The following TRAF7 variants were observed in gnomAD, a reference collection of about 807,000 sequenced individuals.
TRAF7 encodes E3 ubiquitin-protein ligase TRAF7.
Under a neutral mutation model 89.3 loss-of-function variants are expected in TRAF7, and 45 were observed. That is an observed-to-expected ratio of 0.50 (90% CI 0.40 to 0.65). The LOEUF is 0.65. Ranked by LOEUF, TRAF7 falls within the 30% of genes least tolerant of loss-of-function variation. The pLI, the probability that TRAF7 is intolerant of heterozygous loss-of-function variation, is 0.00. For missense variants in TRAF7, 677 were observed against 918.1 expected (o/e 0.74, Z 3.39); for synonymous variants, 406 against 369.2 (o/e 1.10, Z -1.14).
At chr16:2,160,408 A>AGGTG (rs2093052836) in intron 1 of TRAF7, among the ~76,000 whole-genome samples, 5 of 148,982 alleles carry the variant, frequency 3.4e-5, no homozygotes, top group African/African-American at 7.4e-5. Context: ...CAGCATGGGC[A>AGGTG]GTGTGGACGG....
intron 3 of TRAF7, among the ~76,000 whole-genome samples, chr16:2,167,845 G>T (rs1485574110): frequency 1.3e-5 from 2 of 152,142 alleles, no homozygotes; most frequent in Non-Finnish European, 2.9e-5. Context: ...TCAGCGCTGG[G>T]ACTGTCCAGA....
chr16:2,158,436 G>A lies in TRAF7; in HGVS notation c.-39+2578G>A, dbSNP rs529568253. On this transcript the variant is annotated intron_variant, in intron 1 of 20. Coordinates refer to ENST00000326181, the MANE Select transcript of TRAF7 (RefSeq NM_032271.3). This position sits in a 1 kb window ranked among gnomAD's most constrained non-coding sequence, Gnocchi z 4.7. ...CTCACCCGGCTGGAGGAAGCCGGCT[G>A]CCTGGAAACTCGGGGTGGAGGTGAC... 6.6e-6 allele frequency among the ~76,000 whole-genome samples: 1 copy of A among 152,330 alleles called. No homozygotes were observed. The highest frequency in any genetic ancestry group is 2.1e-4 in the South Asian group (1 of 4,828).
chr16:2,163,032 T>G lies in TRAF7; in HGVS notation c.-38-851T>G, dbSNP rs2093063935. 6.6e-6 allele frequency among the ~76,000 whole-genome samples: 1 copy of G among 151,148 alleles called. No individual in the cohort carries two copies. Among genetic ancestry groups the G allele is most frequent in the Non-Finnish European group, 1.5e-5 (1 of 67,786 alleles). On this transcript the variant is annotated intron_variant, in intron 1 of 20. Transcript: ENST00000326181. The surrounding 1 kb of genome is among the most constrained non-coding windows in gnomAD (Gnocchi z 4.3). ...CCTTCCCCGGGCTCTGTCCTGGGTGTGACCTGTTGGCTGGGTCTCTTTTTC... is the reference window on the plus strand; with the variant it reads ...CCTTCCCCGGGCTCTGTCCTGGGTGGGACCTGTTGGCTGGGTCTCTTTTTC...
In TRAF7 at chr16:2,168,932, C is replaced by T. The variant is rs1473544946; in HGVS notation, c.231+764C>T. ...CAGCTGCCTCTCTCCAGTGCTTGGACACCAGGTGTGGCGGCCCTGCTGGCC... is the reference window on the plus strand; with the variant it reads ...CAGCTGCCTCTCTCCAGTGCTTGGATACCAGGTGTGGCGGCCCTGCTGGCC... On this transcript the variant is annotated intron_variant, in intron 4 of 20. Coordinates refer to ENST00000326181, the MANE Select transcript of TRAF7 (RefSeq NM_032271.3). The surrounding 1 kb of genome is among the most constrained non-coding windows in gnomAD (Gnocchi z 4.1). 1.3e-5 allele frequency among the ~76,000 whole-genome samples: 2 copies of T among 152,192 alleles called. No individual in the cohort carries two copies. The highest frequency in any genetic ancestry group is 2.9e-5 in the Non-Finnish European group (2 of 68,036).
rs1240528879 is a variant in TRAF7 at position 2,168,869 on chromosome 16, G to T, written c.231+701G>T. On this transcript the variant is annotated intron_variant, in intron 4 of 20. Transcript: ENST00000326181. The surrounding 1 kb of genome is among the most constrained non-coding windows in gnomAD (Gnocchi z 4.1). ...AACTCTACCCTGGGCATGAAGGACT[G>T]GCCCAGCAGGGGGTGGGGGTGTGTG... Among the ~76,000 whole-genome samples the T allele has an allele frequency of 6.6e-6, 1 of 152,054 alleles. No homozygotes were observed. Among genetic ancestry groups the T allele is most frequent in the Non-Finnish European group, 1.5e-5 (1 of 68,000 alleles).
In TRAF7 at chr16:2,162,084, A is replaced by G. The variant is rs1018176663; in HGVS notation, c.-38-1799A>G. Among the ~76,000 whole-genome samples, 3 of 152,204 alleles carry G rather than the reference A, an allele frequency of 2.0e-5. No individual in the cohort carries two copies. Among genetic ancestry groups the G allele is most frequent in the African/African-American group, 7.2e-5 (3 of 41,450 alleles). ...TGGCCAGGCCCCATCTCCCGAGACC[A>G]TGGGACGCAAAGATCAGGTGGGGCC... On this transcript the variant is annotated intron_variant, in intron 1 of 20. Coordinates refer to ENST00000326181, the MANE Select transcript of TRAF7 (RefSeq NM_032271.3). The surrounding 1 kb of genome is among the most constrained non-coding windows in gnomAD (Gnocchi z 5.0).
At chr16:2,175,975 G>A (rs2141298078) in intron 18 of TRAF7, 22 bp downstream of exon 18, 6 of 1,612,832 alleles carry the variant, frequency 3.7e-6, no homozygotes, top group Admixed American at 1.7e-5. Flanking sequence ...GCATCTGGGT[G>A]CAAGGCCAGA....
rs2093056142 is a variant in TRAF7 at position 2,161,006 on chromosome 16, C to T, written c.-38-2877C>T. ...GACTGGGCTGAGGGGAGGCCTCGGG[C>T]ATCTTGCTCAATTCCGAGGTGCGGG... On this transcript the variant is annotated intron_variant, in intron 1 of 20. Coordinates refer to ENST00000326181, the MANE Select transcript of TRAF7 (RefSeq NM_032271.3). This position sits in a 1 kb window ranked among gnomAD's most constrained non-coding sequence, Gnocchi z 5.2. Among the ~76,000 whole-genome samples the T allele has an allele frequency of 1.3e-5, 2 of 152,078 alleles. No individual in the cohort carries two copies. The highest frequency in any genetic ancestry group is 4.1e-4 in the South Asian group (2 of 4,830).
intron 11 of TRAF7, 58 bp downstream of exon 11, chr16:2,173,612 G>T: frequency 6.3e-7 from 1 of 1,598,812 alleles, no homozygotes; most frequent in East Asian, 2.2e-5. Flanking sequence ...CGGCGGCCCC[G>T]GCAGGGAGGC....
At chr16:2,171,764 G>A (rs2093112267) in intron 7 of TRAF7, among the ~76,000 whole-genome samples, 159 bp downstream of exon 7, 2 of 152,208 alleles carry the variant, frequency 1.3e-5, no homozygotes, top group African/African-American at 4.8e-5. Flanking sequence ...CGCTCAGGCT[G>A]AGGCTCGGGA....
chr16:2,176,004 C>T lies in TRAF7; in HGVS notation c.1747-45C>T, dbSNP rs200407806. Reference sequence around the variant, plus strand: ...GGCCAGACTGTGGCCCCGTCTCCCCCGCCTTGCTCAGTGTCTTTGACCTGC... The same window carrying T: ...GGCCAGACTGTGGCCCCGTCTCCCCTGCCTTGCTCAGTGTCTTTGACCTGC... On this transcript the variant is annotated intron_variant, in intron 18 of 20. Transcript: ENST00000326181. 1,385 of 1,610,734 alleles carry T rather than the reference C, an allele frequency of 8.6e-4. 4 individuals are homozygous for T. The highest frequency in any genetic ancestry group is 1.1e-3 in the Non-Finnish European group (1,247 of 1,178,454).
intron 7 of TRAF7, 45 bp from the exon 8 acceptor site, chr16:2,172,146 G>T (rs756838251): frequency 1.9e-6 from 3 of 1,609,156 alleles, no homozygotes; most frequent in Admixed American, 1.7e-5. Context: ...GTGAGGGAGC[G>T]TGTGCCAGGC....
intron 14 of TRAF7, among the ~76,000 whole-genome samples, chr16:2,174,903 C>G (rs970531312): frequency 6.6e-6 from 1 of 152,236 alleles, no homozygotes; most frequent in Admixed American, 6.5e-5. Flanking sequence ...AAATGCTTTC[C>G]AGGCAGGCAT....
chr16:2,176,605 G>T lies in TRAF7; in HGVS notation c.*31G>T, dbSNP rs925242452. On this transcript the variant is annotated 3_prime_UTR_variant, in exon 21 of 21. Transcript: ENST00000326181. ...TCCAGGCCAGGCTGTGGTTTCCCCTGAACCAGCCCTGGACCTTTCTGAGCC... is the reference window on the plus strand; with the variant it reads ...TCCAGGCCAGGCTGTGGTTTCCCCTTAACCAGCCCTGGACCTTTCTGAGCC... The T allele has an allele frequency of 1.9e-6, 3 of 1,613,218 alleles. No homozygotes were observed. The African/African-American group carries it at 4.0e-5, about 22-fold the overall frequency.
Position 2,168,208 on chromosome 16 carries a change from T to TC in TRAF7, c.231+46dup. 1 of 1,538,214 alleles carries TC rather than the reference T, an allele frequency of 6.5e-7. No individual in the cohort carries two copies. The highest frequency in any genetic ancestry group is 8.8e-7 in the Non-Finnish European group (1 of 1,131,726). ...CCAGGAGCCCGTGTGAGCCTCAGCC[T>TC]CCCCCCATCCTCCCTCCTGGGGGAA... On this transcript the variant is annotated intron_variant, in intron 4 of 20. Coordinates refer to ENST00000326181, the MANE Select transcript of TRAF7 (RefSeq NM_032271.3). This position sits in a 1 kb window ranked among gnomAD's most constrained non-coding sequence, Gnocchi z 4.1.
At chr16:2,171,141 C>A in intron 5 of TRAF7, 123 bp from the exon 6 acceptor site, 1 of 773,704 alleles carries the variant, frequency 1.3e-6, no homozygotes, top group Non-Finnish European at 2.1e-6. Flanking sequence ...GCAGGCCTCT[C>A]TCAGGACGTG....
chr16:2,164,177 C>CGTGCGT, intron 2 of TRAF7, among the ~76,000 whole-genome samples, 176 bp downstream of exon 2: 1 of 117,724 alleles, frequency 8.5e-6, no homozygotes, highest in South Asian at 2.6e-4. Context: ...CGCGCGCGCG[C>CGTGCGT]GCGCACGCGT....
Position 2,161,636 on chromosome 16 carries a change from G to C in TRAF7, c.-38-2247G>C, listed in dbSNP as rs1478296587. On this transcript the variant is annotated intron_variant, in intron 1 of 20. Transcript: ENST00000326181. This position sits in a 1 kb window ranked among gnomAD's most constrained non-coding sequence, Gnocchi z 5.2. The stretch of plus-strand genomic sequence containing the variant: ...CAGTGTCTCCTAGTGGCTGCCCGGT[G>C]ATCCCCTCCCTGCTCCCAGAGGGCA... 6.6e-6 allele frequency among the ~76,000 whole-genome samples: 1 copy of C among 152,146 alleles called. No individual in the cohort carries two copies. The highest frequency in any genetic ancestry group is 1.5e-5 in the Non-Finnish European group (1 of 68,012).
At chr16:2,175,655 C>T in intron 17 of TRAF7, 33 bp downstream of exon 17, 3 of 1,603,988 alleles carry the variant, frequency 1.9e-6, no homozygotes, top group Admixed American at 1.7e-5. Context: ...GCCACAGGGC[C>T]TTGCCTCCTA....
Sources: gnomAD v4.1 joint callset for allele counts (sites outside exome capture counted in the v4.1 genomes callset) on GRCh38, gnomAD v4.1.1 for gene constraint, Gnocchi (gnomAD v3.1) non-coding constraint, MANE v1.5 for transcripts, NCBI Gene and HGNC (gene_info 2026-07-23, HGNC 2026-07-21) for gene names.